The following RFX4 variants were observed in gnomAD, a reference collection of about 807,000 sequenced individuals.
RFX4 encodes the protein regulatory factor X4.
RFX4 carries 10 observed loss-of-function variants against 95.0 expected under a neutral mutation model. The observed-to-expected ratio is 0.11, with a 90% confidence interval of 0.06 to 0.18. The LOEUF (loss-of-function observed/expected upper bound fraction) is 0.18, where lower values mean the gene tolerates loss of function less well. RFX4 is among the 10% of genes least tolerant of loss of function. The pLI is 1.00. For synonymous variants in RFX4, 321 were observed against 340.7 expected, an observed-to-expected ratio of 0.94 and a Z score of 0.64; for missense variants, 640 against 922.0, an observed-to-expected ratio of 0.69 and a Z score of 3.96.
intron 2 of RFX4, among the ~76,000 whole-genome samples, chr12:106,638,723 G>A (rs900910263): frequency 6.6e-6 from 1 of 152,164 alleles, no homozygotes; most frequent in African/African-American, 2.4e-5. Context: ...AGCAGATTTG[G>A]GTGTGGTGAG....
chr12:106,617,991 T>G (rs1229842315), intron 2 of RFX4, among the ~76,000 whole-genome samples: 3 of 152,118 alleles, frequency 2.0e-5, no homozygotes, highest in African/African-American at 7.2e-5. Flanking sequence ...CCTCCCAAAG[T>G]GTTGAGATTA....
chr12:106,614,337 T>C (rs2040024154), intron 2 of RFX4, among the ~76,000 whole-genome samples: 1 of 151,078 alleles, frequency 6.6e-6, no homozygotes, highest in Non-Finnish European at 1.5e-5. Flanking sequence ...ATTTTTGTAT[T>C]TTTAGTAGAG....
intron 2 of RFX4, among the ~76,000 whole-genome samples, chr12:106,624,118 A>G (rs1407880543): frequency 6.6e-6 from 1 of 152,138 alleles, no homozygotes; most frequent in African/African-American, 2.4e-5. Flanking sequence ...TTATCAGAAA[A>G]CAACAAAATC....
chr12:106,746,027 G>C, intron 15 of RFX4, among the ~76,000 whole-genome samples: 1 of 152,028 alleles, frequency 6.6e-6, no homozygotes, highest in East Asian at 1.9e-4. Context: ...TGGAGTTCAA[G>C]ACCAGCCTGG....
chr12:106,731,489 T>A (rs761552861), intron 13 of RFX4, among the ~76,000 whole-genome samples: 3 of 152,204 alleles, frequency 2.0e-5, no homozygotes, highest in Non-Finnish European at 2.9e-5. Context: ...CAAAATAATC[T>A]ACTCTAAATT....
intron 17 of RFX4, among the ~76,000 whole-genome samples, chr12:106,755,824 T>C (rs2043098082): frequency 6.6e-6 from 1 of 152,176 alleles, no homozygotes; most frequent in Non-Finnish European, 1.5e-5. Context: ...AAATTCCAAG[T>C]ATACAATATG....
At position 106,704,929 on chromosome 12, in the gene RFX4, C is replaced by T. The variant is rs572105447; in HGVS notation, c.834-4401C>T. Among the ~76,000 whole-genome samples, 9 of 152,146 alleles carry T rather than the reference C, an allele frequency of 5.9e-5. No individual in the cohort carries two copies. The South Asian group carries it at 1.5e-3, about 25-fold the overall frequency. ...CAAGCCTGAAATGCCAAAGGAATAGCAACATCAGACAGAAAGGCAGAGGGC... is the reference window on the plus strand; with the variant it reads ...CAAGCCTGAAATGCCAAAGGAATAGTAACATCAGACAGAAAGGCAGAGGGC... On this transcript the variant is annotated intron_variant, in intron 8 of 17. Transcript: ENST00000392842.
At chr12:106,690,051 C>T (rs1456949807) in intron 7 of RFX4, among the ~76,000 whole-genome samples, 2 of 151,982 alleles carry the variant, frequency 1.3e-5, no homozygotes, top group Non-Finnish European at 2.9e-5. Flanking sequence ...GGAAGACATC[C>T]CAGAAATTCC....
At chr12:106,686,758 A>G (rs2041659934) in intron 5 of RFX4, 126 bp from the exon 6 acceptor site, 1 of 785,884 alleles carries the variant, frequency 1.3e-6, no homozygotes, top group Non-Finnish European at 2.1e-6. Context: ...CCCAGGTAGG[A>G]TGGCCCCAGC....
At chr12:106,671,792 G>T (rs1408630080) in intron 4 of RFX4, among the ~76,000 whole-genome samples, 1 of 152,108 alleles carries the variant, frequency 6.6e-6, no homozygotes, top group Non-Finnish European at 1.5e-5. Flanking sequence ...CTCCTGAGTA[G>T]CTGGGACTAC....
chr12:106,633,848 C>A (rs2040462681), intron 2 of RFX4, among the ~76,000 whole-genome samples: 1 of 152,210 alleles, frequency 6.6e-6, no homozygotes, highest in African/African-American at 2.4e-5. Context: ...CCAATGGGAC[C>A]ACATGCATCT....
chr12:106,697,807 T>A (rs1376204067), intron 8 of RFX4, among the ~76,000 whole-genome samples: 1 of 152,048 alleles, frequency 6.6e-6, no homozygotes, highest in Non-Finnish European at 1.5e-5. Context: ...GCTAAAATCT[T>A]TAGGATGATG....
At chr12:106,703,520 T>C (rs1486167648) in intron 8 of RFX4, among the ~76,000 whole-genome samples, 2 of 152,250 alleles carry the variant, frequency 1.3e-5, no homozygotes, top group African/African-American at 2.4e-5. Context: ...CAGTCACTGA[T>C]CAAGTGAACG....
chr12:106,587,135 G>A (rs1478618187), intron 1 of RFX4, among the ~76,000 whole-genome samples: 1 of 152,238 alleles, frequency 6.6e-6, no homozygotes, highest in African/African-American at 2.4e-5. Flanking sequence ...GAGGCTGCAC[G>A]CAGGCTGGGT....
chr12:106,732,190 T>A lies in RFX4; in HGVS notation c.1412T>A (p.Leu471Gln). ...TACGTGCTCTACCTGTTAGAATCTC[T>A]GCACTGTCAGGAGCGGGCCAATGAG... is the stretch of plus-strand genomic sequence containing the variant. ...DDYVLYLLES[L>Q]HCQERANELM... is the part of the protein sequence containing the mutation. Residue 471 changes from leucine to glutamine, a missense_variant, in exon 14 of 18, where the codon CTG (leucine) becomes CAG (glutamine). This residue lies in a region of RFX4 where 300 missense variants were observed against 346.8 expected (regional missense o/e 0.87). Coordinates refer to ENST00000392842, the MANE Select transcript of RFX4 (RefSeq NM_213594.3). The A allele has an allele frequency of 6.2e-7, 1 of 1,613,956 alleles. No homozygotes were observed. Among genetic ancestry groups the A allele is most frequent in the Non-Finnish European group, 8.5e-7 (1 of 1,179,868 alleles).
intron 1 of RFX4, among the ~76,000 whole-genome samples, chr12:106,589,121 C>T (rs1170295278): frequency 6.6e-6 from 1 of 152,098 alleles, no homozygotes; most frequent in Non-Finnish European, 1.5e-5. Context: ...TTGTTTTTAA[C>T]CTCTTCCACT....
chr12:106,618,009 G>C (rs1360979228), intron 2 of RFX4, among the ~76,000 whole-genome samples: 3 of 152,000 alleles, frequency 2.0e-5, no homozygotes, highest in Admixed American at 2.0e-4. Context: ...TTACAGGTGT[G>C]AGCCACCACG....
intron 4 of RFX4, among the ~76,000 whole-genome samples, chr12:106,656,559 C>A (rs921483787): frequency 6.6e-6 from 1 of 152,152 alleles, no homozygotes; most frequent in Non-Finnish European, 1.5e-5. Context: ...AGACATCCCC[C>A]ACTTCAAAAT....
At chr12:106,736,590 C>A (rs977943489) in intron 15 of RFX4, among the ~76,000 whole-genome samples, 1 of 152,126 alleles carries the variant, frequency 6.6e-6, no homozygotes, top group Admixed American at 6.5e-5. Context: ...ATTCCATCAG[C>A]GAGGACTTAA....
Sources: allele counts gnomAD v4.1 joint callset (sites outside exome capture counted in the v4.1 genomes callset), GRCh38; gene constraint gnomAD v4.1.1; regional missense constraint gnomAD v4.1.1; transcripts MANE v1.5; gene names NCBI Gene and HGNC (gene_info 2026-07-23, HGNC 2026-07-21).